TP73: variants seen among roughly 807,000 people sequenced by gnomAD.
TP73 encodes p53-like transcription factor.
A neutral mutation model predicts 62.5 loss-of-function variants in TP73; 25 were observed. That is an observed-to-expected ratio of 0.40 (90% CI 0.29 to 0.56). The LOEUF (loss-of-function observed/expected upper bound fraction) is 0.56. TP73 is among the 20% of genes least tolerant of loss of function. The pLI is 0.46. For missense variants in TP73, 754 were observed against 913.3 expected (o/e 0.83, Z 2.25); for synonymous variants, 423 against 377.5 (o/e 1.12, Z -1.40).
chr1:3,726,955 G>C (rs139145977), intron 6 of TP73, among the ~76,000 whole-genome samples, 160 bp from the exon 7 acceptor site: 1 of 151,910 alleles, frequency 6.6e-6, no homozygotes, highest in Non-Finnish European at 1.5e-5. Flanking sequence ...TTGGTGGATG[G>C]ATGAATGAGT....
chr1:3,697,470 G>T (rs1053104003), intron 3 of TP73, among the ~76,000 whole-genome samples: 24 of 152,328 alleles, frequency 1.6e-4, no homozygotes, highest in Admixed American at 2.6e-4. Flanking sequence ...CTGCAGGCCC[G>T]CCTTCACCTT....
Position 3,663,402 on chromosome 1 carries a change from G to T in TP73, c.-34+10761G>T, listed in dbSNP as rs1645038843. 6.6e-6 allele frequency among the ~76,000 whole-genome samples: 1 copy of T among 152,174 alleles called. No homozygotes were observed. The highest frequency in any genetic ancestry group is 2.1e-4 in the South Asian group (1 of 4,830). ...TTTCCTCCTGGGTTTGTGGGGTGTG[G>T]ACAGCACGGAGCGTGATGAAAGGAT... is the stretch of plus-strand genomic sequence containing the variant. On this transcript the variant is annotated intron_variant, in intron 1 of 13. Coordinates refer to ENST00000378295, the MANE Select transcript of TP73 (RefSeq NM_005427.4). The surrounding 1 kb of genome is among the most constrained non-coding windows in gnomAD (Gnocchi z 4.7).
At chr1:3,682,460 G>T in intron 2 of TP73, 30 bp downstream of exon 2, 1 of 1,459,156 alleles carries the variant, frequency 6.9e-7, no homozygotes, top group Non-Finnish European at 9.2e-7. Context: ...CAGAGCTGGG[G>T]GCCCCCCTGG....
intron 1 of TP73, among the ~76,000 whole-genome samples, chr1:3,667,338 A>G (rs1238596979): frequency 6.6e-6 from 1 of 152,234 alleles, no homozygotes; most frequent in Non-Finnish European, 1.5e-5. Flanking sequence ...CAGAACTGTA[A>G]GAGAGTAAAT....
Position 3,666,263 on chromosome 1 carries a change from T to C in TP73, c.-34+13622T>C, listed in dbSNP as rs1645111870. Among the ~76,000 whole-genome samples, 1 of 151,896 alleles carries C rather than the reference T, an allele frequency of 6.6e-6. No individual in the cohort carries two copies. The highest frequency in any genetic ancestry group is 1.5e-5 in the Non-Finnish European group (1 of 67,976). ...GGCTCAGGCCATCCTCTTGCCTGTGTCCTGAGTAGCTGTGACCATAGACAC... is the reference window on the plus strand; with the variant it reads ...GGCTCAGGCCATCCTCTTGCCTGTGCCCTGAGTAGCTGTGACCATAGACAC... On this transcript the variant is annotated intron_variant, in intron 1 of 13. Transcript: ENST00000378295. This position sits in a 1 kb window ranked among gnomAD's most constrained non-coding sequence, Gnocchi z 6.4.
At chr1:3,669,612 G>C (rs909444111) in intron 1 of TP73, among the ~76,000 whole-genome samples, 1 of 152,214 alleles carries the variant, frequency 6.6e-6, no homozygotes, top group Non-Finnish European at 1.5e-5. Context: ...GTTCTCCCCA[G>C]CCCCCTCACT....
At chr1:3,682,211 G>A (rs1422125216) in intron 1 of TP73, 122 bp from the exon 2 acceptor site, 3 of 652,648 alleles carry the variant, frequency 4.6e-6, no homozygotes, top group Non-Finnish European at 4.7e-6. Context: ...GGCAAGGCGG[G>A]GGCACCTGCT....
intron 1 of TP73, among the ~76,000 whole-genome samples, chr1:3,659,642 A>T (rs1644947347): frequency 6.6e-6 from 1 of 151,880 alleles, no homozygotes; most frequent in Non-Finnish European, 1.5e-5. Flanking sequence ...TTTCTACATC[A>T]CCCCTCTTTC....
chr1:3,721,185 G>A (rs994189593), intron 4 of TP73, among the ~76,000 whole-genome samples: 5 of 152,226 alleles, frequency 3.3e-5, no homozygotes, highest in African/African-American at 7.2e-5. Context: ...AGCCGGCCTG[G>A]GTCCTCAGAT....
rs562240890 is a variant in TP73, at chr1:3,662,869, C to G, written c.-34+10228C>G. 6.6e-6 allele frequency among the ~76,000 whole-genome samples: 1 copy of G among 152,292 alleles called. No individual in the cohort carries two copies. Among genetic ancestry groups the G allele is most frequent in the East Asian group, 1.9e-4 (1 of 5,172 alleles). ...CAGGGAGGGGTCCCCAGTGTGAGGA[C>G]AGCATGGGGCTGCCTCTTCCAGCAG... On this transcript the variant is annotated intron_variant, in intron 1 of 13. Coordinates refer to ENST00000378295, the MANE Select transcript of TP73 (RefSeq NM_005427.4). This position sits in a 1 kb window ranked among gnomAD's most constrained non-coding sequence, Gnocchi z 4.4.
Position 3,666,889 on chromosome 1 carries a change from T to A in TP73, c.-34+14248T>A, listed in dbSNP as rs1447481909. ...TTTATGGTTGGCAAAAAAAAGTGGCTCCCCAAAGGTCTTCACGTCCCAATC... is the reference window on the plus strand; with the variant it reads ...TTTATGGTTGGCAAAAAAAAGTGGCACCCCAAAGGTCTTCACGTCCCAATC... On this transcript the variant is annotated intron_variant, in intron 1 of 13. Coordinates refer to ENST00000378295, the MANE Select transcript of TP73 (RefSeq NM_005427.4). This position sits in a 1 kb window ranked among gnomAD's most constrained non-coding sequence, Gnocchi z 6.4. 6.6e-6 allele frequency among the ~76,000 whole-genome samples: 1 copy of A among 152,018 alleles called. No homozygotes were observed. Among genetic ancestry groups the A allele is most frequent in the African/African-American group, 2.4e-5 (1 of 41,396 alleles).
chr1:3,723,749 T>A lies in TP73; in HGVS notation c.732+280T>A, dbSNP rs551504701. 2.0e-5 allele frequency among the ~76,000 whole-genome samples: 3 copies of A among 152,352 alleles called. No individual in the cohort carries two copies. The South Asian group carries it at 6.2e-4, about 32-fold the overall frequency. On this transcript the variant is annotated intron_variant, in intron 6 of 13. Coordinates refer to ENST00000378295, the MANE Select transcript of TP73 (RefSeq NM_005427.4). ...CAGCTCCATAGTGGGGAGTGGGTCTTCAGCCTTGCCCTCTGTTGGTGCCCA... is the reference window on the plus strand; with the variant it reads ...CAGCTCCATAGTGGGGAGTGGGTCTACAGCCTTGCCCTCTGTTGGTGCCCA...
intron 1 of TP73, among the ~76,000 whole-genome samples, chr1:3,674,518 T>C (rs1645318348): frequency 6.6e-6 from 1 of 152,220 alleles, no homozygotes; most frequent in Non-Finnish European, 1.5e-5. Flanking sequence ...CCTTCGTCCC[T>C]GCCCCTGACC....
At chr1:3,706,255 A>G (rs946646949) in intron 3 of TP73, among the ~76,000 whole-genome samples, 1 of 152,104 alleles carries the variant, frequency 6.6e-6, no homozygotes, top group Non-Finnish European at 1.5e-5. Context: ...ACTGGGGTCA[A>G]TCGTTTCCCC....
chr1:3,689,592 G>A (rs1645755226), intron 3 of TP73, among the ~76,000 whole-genome samples: 1 of 152,136 alleles, frequency 6.6e-6, no homozygotes, highest in Non-Finnish European at 1.5e-5. Flanking sequence ...CGCTCTCCCG[G>A]GGGTGGGGGT....
rs751836786 is a variant in TP73, at chr1:3,683,129, G to T, written c.135G>T (p.Thr45=). ...SRGNNEVVGG[T]DSSMDVFHLE... The stretch of plus-strand genomic sequence containing the variant: ...GGAATAATGAGGTGGTGGGCGGAAC[G>T]GATTCCAGCATGGACGTCTTCCACC... The change falls in exon 3 of 14, where the codon ACG becomes ACT. Residue 45 remains threonine (T), a synonymous_variant. Coordinates refer to ENST00000378295, the MANE Select transcript of TP73 (RefSeq NM_005427.4). 1.8e-5 allele frequency: 29 copies of T among 1,612,546 alleles called. No individual in the cohort carries two copies. Among genetic ancestry groups the T allele is most frequent in the Non-Finnish European group, 2.5e-5 (29 of 1,179,076 alleles).
At chr1:3,700,881 A>C in intron 3 of TP73, among the ~76,000 whole-genome samples, 1 of 152,184 alleles carries the variant, frequency 6.6e-6, no homozygotes, top group Non-Finnish European at 1.5e-5. Flanking sequence ...CTTAATCTGA[A>C]ATAGAACAGA....
intron 11 of TP73, 86 bp from the exon 12 acceptor site, chr1:3,730,841 G>A (rs968914769): frequency 5.4e-6 from 8 of 1,470,384 alleles, no homozygotes; most frequent in South Asian, 1.3e-5. Flanking sequence ...GCTCCCTGGT[G>A]TCCAGAGGTG....
intron 13 of TP73, among the ~76,000 whole-genome samples, chr1:3,732,140 T>A (rs1642179456): frequency 6.6e-6 from 1 of 152,166 alleles, no homozygotes. Context: ...AGCCCTCTGG[T>A]GGGAACCTGC....
Sources: allele counts gnomAD v4.1 joint callset (sites outside exome capture counted in the v4.1 genomes callset), GRCh38; gene constraint gnomAD v4.1.1; non-coding constraint Gnocchi (gnomAD v3.1); transcripts MANE v1.5; gene names NCBI Gene and HGNC (gene_info 2026-07-23, HGNC 2026-07-21).